DOK6: variants seen among roughly 807,000 people sequenced by gnomAD.
DOK6 encodes the protein docking protein 6.
A neutral mutation model predicts 44.0 loss-of-function variants in DOK6; 22 were observed. The observed-to-expected ratio is 0.50, with a 90% confidence interval of 0.36 to 0.71. The LOEUF (loss-of-function observed/expected upper bound fraction) is 0.71, where lower values mean the gene tolerates loss of function less well. Among genes scored for constraint, DOK6 ranks in the 30% least tolerant of loss-of-function variants. The pLI is 0.00. For missense variants in DOK6, 340 were observed against 416.4 expected (o/e 0.82, Z 1.60); for synonymous variants, 166 against 145.5 (o/e 1.14, Z -1.01).
rs150696311 is a variant in DOK6 at position 69,542,535 on chromosome 18, C to T, written c.67-21952C>T. 5.5e-3 allele frequency among the ~76,000 whole-genome samples: 836 copies of T among 151,640 alleles called. 14 individuals are homozygous for T. The highest frequency in any genetic ancestry group is 0.018 in the African/African-American group (765 of 41,498). On this transcript the variant is annotated intron_variant, in intron 1 of 7. Coordinates refer to ENST00000382713, the MANE Select transcript of DOK6 (RefSeq NM_152721.6). ...ATATTAAAACAAATCTAGAACCCCTCCAAGTCCAGTTACGTAGCGCTACAC... is the reference window on the plus strand; with the variant it reads ...ATATTAAAACAAATCTAGAACCCCTTCAAGTCCAGTTACGTAGCGCTACAC...
intron 1 of DOK6, among the ~76,000 whole-genome samples, chr18:69,504,714 T>C (rs1375575840): frequency 6.6e-6 from 1 of 152,202 alleles, no homozygotes; most frequent in Non-Finnish European, 1.5e-5. Flanking sequence ...CACTTTGTAA[T>C]AGCTTAAGCC....
chr18:69,447,169 A>G lies in DOK6; in HGVS notation c.66+45859A>G, dbSNP rs355992. ...AATGGTATTGCCTAGGTTTTATTCT[A>G]GGGTTTTTATGGTTTTAGGTCTAAC... On this transcript the variant is annotated intron_variant, in intron 1 of 7. Coordinates refer to ENST00000382713, the MANE Select transcript of DOK6 (RefSeq NM_152721.6). 2.8e-3 allele frequency among the ~76,000 whole-genome samples: 425 copies of G among 152,308 alleles called. 1 individual carries two copies. The highest frequency in any genetic ancestry group is 9.8e-3 in the African/African-American group (407 of 41,562).
At chr18:69,496,882 T>C (rs1480103441) in intron 1 of DOK6, among the ~76,000 whole-genome samples, 2 of 152,190 alleles carry the variant, frequency 1.3e-5, no homozygotes, top group African/African-American at 2.4e-5. Flanking sequence ...TGAAAATTTG[T>C]TGGATGCAAT....
chr18:69,624,520 T>C (rs1984513076), intron 3 of DOK6, among the ~76,000 whole-genome samples: 1 of 152,130 alleles, frequency 6.6e-6, no homozygotes, highest in Non-Finnish European at 1.5e-5. Context: ...AGTGGCATTT[T>C]TCACAAATAT....
At chr18:69,408,386 G>T (rs1978292948) in intron 1 of DOK6, among the ~76,000 whole-genome samples, 1 of 149,912 alleles carries the variant, frequency 6.7e-6, no homozygotes, top group South Asian at 2.1e-4. Flanking sequence ...ACACTGAATT[G>T]ACACAATTTC....
chr18:69,407,407 G>A (rs911497369), intron 1 of DOK6, among the ~76,000 whole-genome samples: 3 of 152,124 alleles, frequency 2.0e-5, no homozygotes, highest in Non-Finnish European at 4.4e-5. Flanking sequence ...ATAATTAAAA[G>A]GGAGCATACT....
At chr18:69,564,287 A>G (rs184161747) in intron 1 of DOK6, among the ~76,000 whole-genome samples, 200 bp from the exon 2 acceptor site, 4 of 152,336 alleles carry the variant, frequency 2.6e-5, no homozygotes, top group Admixed American at 1.3e-4. Flanking sequence ...GAAAACCTCA[A>G]AACGAAATCT....
intron 1 of DOK6, among the ~76,000 whole-genome samples, chr18:69,556,332 C>T (rs915214061): frequency 6.6e-6 from 1 of 152,118 alleles, no homozygotes; most frequent in Non-Finnish European, 1.5e-5. Flanking sequence ...ATGCTCTTTC[C>T]TCAGATGTCT....
intron 5 of DOK6, chr18:69,724,877 C>T (rs1025405654): frequency 2.0e-5 from 3 of 152,212 alleles, no homozygotes; most frequent in South Asian, 2.1e-4. Flanking sequence ...CTGCTACTGA[C>T]GAGTGCTGTC....
chr18:69,609,439 G>A (rs917792848), intron 3 of DOK6, among the ~76,000 whole-genome samples: 4 of 150,868 alleles, frequency 2.7e-5, no homozygotes, highest in Non-Finnish European at 5.9e-5. Flanking sequence ...AAATCACAAT[G>A]AGTATTATGA....
chr18:69,605,076 TTGTGTGTGTGTG>T lies in DOK6; in HGVS notation c.289+5618_289+5629del, dbSNP rs71176987. ...GAGACCCCTGTTAGGAGAGATCCCTTTGTGTGTGTGTGTGTGTGTGTGTGTGTGTGTGTGTGT... is the reference window on the plus strand; with the variant it reads ...GAGACCCCTGTTAGGAGAGATCCCTTTGTGTGTGTGTGTGTGTGTGTGTGT... On this transcript the variant is annotated intron_variant, in intron 3 of 7. Coordinates refer to ENST00000382713, the MANE Select transcript of DOK6 (RefSeq NM_152721.6). 2.2e-3 allele frequency among the ~76,000 whole-genome samples: 283 copies of T among 125,858 alleles called. 1 individual carries two copies. Among genetic ancestry groups the T allele is most frequent in the African/African-American group, 7.4e-3 (245 of 33,324 alleles). 82.6% of individuals were successfully genotyped at this position (125,858 alleles called of 152,430 possible). A position where few individuals can be genotyped will look rare whatever the true frequency, so the allele number is the denominator to read the frequency against.
chr18:69,529,357 A>G (rs1981921960), intron 1 of DOK6, among the ~76,000 whole-genome samples: 1 of 152,140 alleles, frequency 6.6e-6, no homozygotes, highest in South Asian at 2.1e-4. Context: ...CATAGTCAGC[A>G]CTATTTTATG....
chr18:69,747,590 T>TCCCCCCCCCCC (rs1979028304), intron 6 of DOK6, among the ~76,000 whole-genome samples: 1 of 148,920 alleles, frequency 6.7e-6, no homozygotes, highest in African/African-American at 2.5e-5. Flanking sequence ...CTCTTTCCGC[T>TCCCCCCCCCCC]CCGCCCCCTC....
intron 2 of DOK6, among the ~76,000 whole-genome samples, chr18:69,582,539 A>G (rs1983396066): frequency 6.6e-6 from 1 of 151,728 alleles, no homozygotes; most frequent in Non-Finnish European, 1.5e-5. Context: ...CCTTCCTTCC[A>G]TCTTTCTTTC....
intron 7 of DOK6, among the ~76,000 whole-genome samples, chr18:69,814,896 G>A (rs1160710178): frequency 6.6e-6 from 1 of 152,038 alleles, no homozygotes; most frequent in Non-Finnish European, 1.5e-5. Flanking sequence ...ACCATATCAG[G>A]TGTCATGCGA....
chr18:69,524,604 C>T (rs571752581), intron 1 of DOK6, among the ~76,000 whole-genome samples: 9 of 151,974 alleles, frequency 5.9e-5, no homozygotes, highest in Non-Finnish European at 1.0e-4. Flanking sequence ...AAATCTAGGT[C>T]AGACCTATTC....
intron 7 of DOK6, among the ~76,000 whole-genome samples, chr18:69,794,009 T>C (rs1356204754): frequency 6.6e-6 from 1 of 152,148 alleles, no homozygotes; most frequent in African/African-American, 2.4e-5. Context: ...TTATTTAACA[T>C]CCCTGACAGA....
chr18:69,546,519 T>C (rs1982409025), intron 1 of DOK6, among the ~76,000 whole-genome samples: 1 of 151,556 alleles, frequency 6.6e-6, no homozygotes, highest in Non-Finnish European at 1.5e-5. Context: ...ATATGAGTTC[T>C]TACAGTTTGT....
chr18:69,635,233 C>A (rs1984776849), intron 3 of DOK6, among the ~76,000 whole-genome samples: 1 of 151,990 alleles, frequency 6.6e-6, no homozygotes, highest in Non-Finnish European at 1.5e-5. Flanking sequence ...ATAGTATAAA[C>A]CTTTCTCTAA....
Sources: allele counts gnomAD v4.1 joint callset (sites outside exome capture counted in the v4.1 genomes callset), GRCh38; gene constraint gnomAD v4.1.1; transcripts MANE v1.5; gene names NCBI Gene and HGNC (gene_info 2026-07-23, HGNC 2026-07-21).